CDH7: variants seen among roughly 807,000 people sequenced by gnomAD.
The protein encoded by CDH7 is cadherin-7.
A neutral mutation model predicts 71.8 loss-of-function variants in CDH7; 25 were observed. That is an observed-to-expected ratio of 0.35 (90% CI 0.25 to 0.49). CDH7 has a LOEUF of 0.49. Ranked by LOEUF, CDH7 falls within the 20% of genes least tolerant of loss-of-function variation. The pLI is 0.99. For synonymous variants in CDH7, 381 were observed against 363.8 expected, an observed-to-expected ratio of 1.05 and a Z score of -0.54; for missense variants, 862 against 974.6, an observed-to-expected ratio of 0.88 and a Z score of 1.54.
chr18:65,838,394 A>G (rs555962160), intron 6 of CDH7, among the ~76,000 whole-genome samples: 117 of 152,362 alleles, frequency 7.7e-4, no homozygotes, highest in African/African-American at 2.7e-3. Context: ...AAAAACAGCT[A>G]GAATCTCCAG....
At chr18:65,820,461 A>G (rs1911884342) in intron 4 of CDH7, among the ~76,000 whole-genome samples, 1 of 152,192 alleles carries the variant, frequency 6.6e-6, no homozygotes, top group South Asian at 2.1e-4. Context: ...ACAAAACACA[A>G]ATGAAATCCA....
intron 2 of CDH7, among the ~76,000 whole-genome samples, chr18:65,790,442 A>C (rs1212728890): frequency 6.6e-6 from 1 of 151,868 alleles, no homozygotes; most frequent in Non-Finnish European, 1.5e-5. Flanking sequence ...AAGAATAAGT[A>C]CTCTACAATA....
At chr18:65,856,803 T>C (rs1262688796) in intron 7 of CDH7, among the ~76,000 whole-genome samples, 1 of 151,996 alleles carries the variant, frequency 6.6e-6, no homozygotes, top group African/African-American at 2.4e-5. Context: ...CTGAAGATGA[T>C]CATCATGAGG....
chr18:65,825,449 C>T (rs1383729710), intron 6 of CDH7, among the ~76,000 whole-genome samples: 1 of 151,796 alleles, frequency 6.6e-6, no homozygotes, highest in African/African-American at 2.4e-5. Context: ...AATTAGCTCT[C>T]AACACAGTTA....
chr18:65,758,746 G>C (rs1458809868), intron 1 of CDH7, among the ~76,000 whole-genome samples: 2 of 152,114 alleles, frequency 1.3e-5, no homozygotes, highest in Non-Finnish European at 2.9e-5. Context: ...TTATAAACAT[G>C]GTTGACTTAC....
chr18:65,843,325 A>T (rs1268447955), intron 6 of CDH7, among the ~76,000 whole-genome samples: 2 of 152,146 alleles, frequency 1.3e-5, no homozygotes, highest in African/African-American at 4.8e-5. Flanking sequence ...AGGATGGCAC[A>T]CTTGCCCCTG....
At position 65,885,408 on chromosome 18, in the gene CDH7, C is replaced by A. The variant is rs1451377640; in HGVS notation, c.*4514C>A. The A allele has an allele frequency of 1.4e-4, 2 of 14,198 alleles. No individual in the cohort carries two copies. The highest frequency in any genetic ancestry group is 2.3e-3 in the Non-Finnish European group (2 of 872). 0.9% of individuals were successfully genotyped at this position (14,198 alleles called of 1,614,324 possible). A position where few individuals can be genotyped will look rare whatever the true frequency, so the allele number is the denominator to read the frequency against. ...TTTTTTTTTTTTTGACGTGGAGTCT[C>A]GCTCTGTCGCCCAGGCTGGAGTGCA... On this transcript the variant is annotated 3_prime_UTR_variant, in exon 12 of 12. Transcript: ENST00000397968.
intron 2 of CDH7, among the ~76,000 whole-genome samples, chr18:65,767,865 A>G (rs1365137193): frequency 6.6e-6 from 1 of 152,198 alleles, no homozygotes; most frequent in Non-Finnish European, 1.5e-5. Flanking sequence ...ACCATTTTGT[A>G]AATAACATGT....
Position 65,813,230 on chromosome 18 carries a change from G to T in CDH7, c.506-1255G>T, listed in dbSNP as rs566935643. On this transcript the variant is annotated intron_variant, in intron 3 of 11. Transcript: ENST00000397968. Reference sequence around the variant, plus strand: ...GCCTGTAATCCCAGCTACTCAGGAGGCTGAGGCAGGAGAATCACTTGAACC... The same window carrying T: ...GCCTGTAATCCCAGCTACTCAGGAGTCTGAGGCAGGAGAATCACTTGAACC... 2.2e-3 allele frequency among the ~76,000 whole-genome samples: 333 copies of T among 152,300 alleles called. 1 individual carries two copies. The highest frequency in any genetic ancestry group is 2.7e-3 in the Non-Finnish European group (187 of 68,024).
intron 2 of CDH7, 146 bp from the exon 3 acceptor site, chr18:65,809,558 T>C (rs1039182621): frequency 1.5e-6 from 1 of 651,776 alleles, no homozygotes; most frequent in African/African-American, 1.8e-5. Context: ...ATAGCCTTTC[T>C]GCTGTGCACA....
chr18:65,835,304 G>T (rs909808858), intron 6 of CDH7, among the ~76,000 whole-genome samples: 1 of 152,160 alleles, frequency 6.6e-6, no homozygotes, highest in Non-Finnish European at 1.5e-5. Context: ...GAAGAAAGAA[G>T]CAATAAAGTA....
intron 2 of CDH7, among the ~76,000 whole-genome samples, chr18:65,808,036 G>C (rs766510774): frequency 6.6e-6 from 1 of 152,156 alleles, no homozygotes; most frequent in Non-Finnish European, 1.5e-5. Flanking sequence ...ATCTGCCAGA[G>C]AGTTGGCCAG....
chr18:65,852,422 A>C (rs553995992), intron 7 of CDH7, among the ~76,000 whole-genome samples: 57 of 152,154 alleles, frequency 3.7e-4, no homozygotes, highest in Non-Finnish European at 7.1e-4. Flanking sequence ...CTATGCTTTC[A>C]AGGACTGACA....
chr18:65,854,309 A>AATAC (rs1402531044), intron 7 of CDH7, among the ~76,000 whole-genome samples: 1 of 151,230 alleles, frequency 6.6e-6, no homozygotes, highest in African/African-American at 2.4e-5. Context: ...TGTTTAAATA[A>AATAC]ATAAATATAT....
chr18:65,833,686 T>C (rs912677655), intron 6 of CDH7, among the ~76,000 whole-genome samples: 6 of 152,178 alleles, frequency 3.9e-5, no homozygotes, highest in Non-Finnish European at 7.4e-5. Flanking sequence ...ATTATCTGCT[T>C]ATTAAGGTAT....
rs1555685192 is a variant in CDH7 at position 65,811,970 on chromosome 18, T to TTTTC, written c.505+1975_505+1976insCTTT. Among the ~76,000 whole-genome samples the TTTTC allele has an allele frequency of 5.1e-4, 66 of 130,202 alleles. 1 individual carries two copies. Among genetic ancestry groups the TTTTC allele is most frequent in the Non-Finnish European group, 9.1e-4 (57 of 62,634 alleles). The allele number at this position is 130,202 out of a possible 152,430, so 85.4% of individuals were successfully genotyped here. A position where few individuals can be genotyped will look rare whatever the true frequency, so the allele number is the denominator to read the frequency against. ...CAGTACCTTTTCTTTTCTTTTCTTT[T>TTTTC]TTTTTTTTTTTTTTTGCGAGATGGA... is the stretch of plus-strand genomic sequence containing the variant. On this transcript the variant is annotated intron_variant, in intron 3 of 11. Coordinates refer to ENST00000397968, the MANE Select transcript of CDH7 (RefSeq NM_004361.5).
chr18:65,766,843 C>T (rs1465925802), intron 2 of CDH7, among the ~76,000 whole-genome samples: 2 of 135,378 alleles, frequency 1.5e-5, no homozygotes, highest in Non-Finnish European at 3.1e-5. Context: ...GTCTGTTAAT[C>T]ACCTTGGCAT....
chr18:65,822,269 A>T (rs747722410), intron 5 of CDH7, 21 bp downstream of exon 5: 1 of 1,589,370 alleles, frequency 6.3e-7, no homozygotes, highest in Non-Finnish European at 8.6e-7. Flanking sequence ...TTCTTAAGTG[A>T]CACAAGTGCA....
Position 65,882,565 on chromosome 18 carries a change from G to A in CDH7, c.*1671G>A, listed in dbSNP as rs908906438. ...TCTGTAAACTTGCAGCCCAACTTTAGAAATGAAGTATGTAAAAGTGGCCTT... is the reference window on the plus strand; with the variant it reads ...TCTGTAAACTTGCAGCCCAACTTTAAAAATGAAGTATGTAAAAGTGGCCTT... On this transcript the variant is annotated 3_prime_UTR_variant, in exon 12 of 12. Coordinates refer to ENST00000397968, the MANE Select transcript of CDH7 (RefSeq NM_004361.5). 1.3e-5 allele frequency: 2 copies of A among 152,030 alleles called. No individual in the cohort carries two copies. The highest frequency in any genetic ancestry group is 2.9e-5 in the Non-Finnish European group (2 of 67,954). 9.4% of individuals were successfully genotyped at this position (152,030 alleles called of 1,614,324 possible). A position where few individuals can be genotyped will look rare whatever the true frequency, so the allele number is the denominator to read the frequency against.
Sources: gnomAD v4.1 joint callset for allele counts (sites outside exome capture counted in the v4.1 genomes callset) on GRCh38, gnomAD v4.1.1 for gene constraint, MANE v1.5 for transcripts, NCBI Gene and HGNC (gene_info 2026-07-23, HGNC 2026-07-21) for gene names.